Variants in KCNK2 observed in about 807,000 individuals in gnomAD.
KCNK2 encodes potassium two pore domain channel subfamily K member 2.
In KCNK2, 21 loss-of-function variants were observed where a neutral mutation model predicts 40.5. The observed-to-expected ratio is 0.52, with a 90% confidence interval of 0.37 to 0.75. The LOEUF is 0.75. Ranked by LOEUF, KCNK2 falls within the 30% of genes least tolerant of loss-of-function variation. The pLI, the probability that KCNK2 is intolerant of heterozygous loss-of-function variation, is 0.00. For missense variants in KCNK2, 399 were observed against 531.6 expected, an observed-to-expected ratio of 0.75 and a Z score of 2.45; for synonymous variants, 191 against 202.2, an observed-to-expected ratio of 0.94 and a Z score of 0.47.
chr1:215,063,332 T>C (rs1373029578), intron 1 of KCNK2, among the ~76,000 whole-genome samples: 1 of 152,198 alleles, frequency 6.6e-6, no homozygotes, highest in African/African-American at 2.4e-5. Context: ...AGCTGTAGTC[T>C]GACCACAGCA....
chr1:215,019,797 G>A (rs959531292), intron 1 of KCNK2, among the ~76,000 whole-genome samples: 4 of 152,082 alleles, frequency 2.6e-5, no homozygotes, highest in Non-Finnish European at 4.4e-5. Context: ...GTTATTCTCC[G>A]TGAAGAAACA....
rs1428368202 is a variant in KCNK2 at position 215,109,876 on chromosome 1, AAC to A, written c.358-14755_358-14754del. ...GTTCCCTTTTTGCTATATTCTTGCCAACATCTGTTATTTTTTATCTTTTTAAT... is the reference window on the plus strand; with the variant it reads ...GTTCCCTTTTTGCTATATTCTTGCCAATCTGTTATTTTTTATCTTTTTAAT... On this transcript the variant is annotated intron_variant, in intron 2 of 6. Transcript: ENST00000444842. 3.3e-5 allele frequency among the ~76,000 whole-genome samples: 5 copies of A among 152,082 alleles called. No homozygotes were observed. The East Asian group carries it at 9.6e-4, about 29-fold the overall frequency.
At chr1:215,046,207 G>T (rs972546599) in intron 1 of KCNK2, among the ~76,000 whole-genome samples, 1 of 152,092 alleles carries the variant, frequency 6.6e-6, no homozygotes. Context: ...AGATGGTTTT[G>T]ATTTGGAAAA....
chr1:215,193,256 G>C lies in KCNK2; in HGVS notation c.824-1697G>C, dbSNP rs375667965. On this transcript the variant is annotated intron_variant, in intron 5 of 6. Transcript: ENST00000444842. ...TCTTTGATATACTTGCAATTTACTGGCTGAATTTTTGTGAATTGGGCAAAT... is the reference window on the plus strand; with the variant it reads ...TCTTTGATATACTTGCAATTTACTGCCTGAATTTTTGTGAATTGGGCAAAT... Among the ~76,000 whole-genome samples, 6 of 151,970 alleles carry C rather than the reference G, an allele frequency of 3.9e-5. No individual in the cohort carries two copies. In the East Asian group the frequency reaches 1.2e-3, roughly 29 times the overall value.
At chr1:215,022,895 T>C (rs888206342) in intron 1 of KCNK2, among the ~76,000 whole-genome samples, 1 of 152,246 alleles carries the variant, frequency 6.6e-6, no homozygotes, top group African/African-American at 2.4e-5. Flanking sequence ...GTCAGTGATT[T>C]ACTCCTTCCT....
intron 1 of KCNK2, 136 bp from the exon 2 acceptor site, chr1:215,086,232 C>A: frequency 1.5e-6 from 1 of 672,576 alleles, no homozygotes; most frequent in South Asian, 1.9e-5. Flanking sequence ...TGACAGCACT[C>A]CTGGTTTGGG....
At chr1:215,110,556 T>C (rs1274673010) in intron 2 of KCNK2, among the ~76,000 whole-genome samples, 2 of 152,202 alleles carry the variant, frequency 1.3e-5, no homozygotes, top group African/African-American at 4.8e-5. Flanking sequence ...TTCTTGATTC[T>C]GTTCCATTGG....
At chr1:215,120,747 G>A (rs142224765) in intron 2 of KCNK2, among the ~76,000 whole-genome samples, 1 of 152,090 alleles carries the variant, frequency 6.6e-6, no homozygotes, top group Non-Finnish European at 1.5e-5. Flanking sequence ...TAGCCTATGA[G>A]TTCACTAGAT....
chr1:215,086,281 C>T (rs750706969), intron 1 of KCNK2, 87 bp from the exon 2 acceptor site: 2 of 1,106,694 alleles, frequency 1.8e-6, no homozygotes, highest in East Asian at 4.7e-5. Context: ...GGAATTCAAT[C>T]AACCTTCTCT....
rs1571715666 is a variant in KCNK2, at chr1:215,194,821, G to A, written c.824-132G>A. 1.0e-5 allele frequency: 6 copies of A among 594,016 alleles called. No homozygotes were observed. In the South Asian group the frequency reaches 1.1e-4, roughly 11 times the overall value. The allele number at this position is 594,016 out of a possible 1,614,324, so 36.8% of individuals were successfully genotyped here. A position where few individuals can be genotyped will look rare whatever the true frequency, so the allele number is the denominator to read the frequency against. ...AGAAATTCAAAATGAAGAAAATAAT[G>A]TAACTCCATTGATAAGAATACTAGA... is the stretch of plus-strand genomic sequence containing the variant. On this transcript the variant is annotated intron_variant, in intron 5 of 6. Transcript: ENST00000444842.
intron 1 of KCNK2, among the ~76,000 whole-genome samples, chr1:215,009,614 T>A (rs531509893): frequency 6.6e-6 from 1 of 152,090 alleles, no homozygotes; most frequent in Non-Finnish European, 1.5e-5. Flanking sequence ...TGTTTAATAG[T>A]CTTATGGCCA....
intron 6 of KCNK2, among the ~76,000 whole-genome samples, chr1:215,218,230 T>C (rs1174760810): frequency 1.3e-5 from 2 of 152,124 alleles, no homozygotes; most frequent in Non-Finnish European, 2.9e-5. Context: ...TCTATGAACA[T>C]GGGAGTGGAT....
intron 6 of KCNK2, among the ~76,000 whole-genome samples, chr1:215,226,274 G>A (rs1468190229): frequency 2.0e-5 from 3 of 152,152 alleles, no homozygotes; most frequent in African/African-American, 7.2e-5. Context: ...TTCTTCTGAA[G>A]TGAAATTGTT....
Position 215,156,053 on chromosome 1 carries a change from T to C in KCNK2, c.476-13146T>C, listed in dbSNP as rs1018309499. On this transcript the variant is annotated intron_variant, in intron 3 of 6. Transcript: ENST00000444842. ...TGTGTATATATTTGTAGATATATTATAGGTAGTCTGTGTGTGTGTGTGTGT... is the reference window on the plus strand; with the variant it reads ...TGTGTATATATTTGTAGATATATTACAGGTAGTCTGTGTGTGTGTGTGTGT... Among the ~76,000 whole-genome samples the C allele has an allele frequency of 5.8e-5, 8 of 137,902 alleles. No individual in the cohort carries two copies. The East Asian group carries it at 1.5e-3, about 26-fold the overall frequency. The allele number at this position is 137,902 out of a possible 152,430, so 90.5% of individuals were successfully genotyped here.
intron 3 of KCNK2, among the ~76,000 whole-genome samples, chr1:215,158,642 C>G (rs1663052710): frequency 1.3e-5 from 2 of 152,058 alleles, no homozygotes; most frequent in African/African-American, 4.8e-5. Flanking sequence ...GAATATGACT[C>G]TAAAGACATT....
chr1:215,014,593 T>C (rs1055032567), intron 1 of KCNK2, among the ~76,000 whole-genome samples: 3 of 151,946 alleles, frequency 2.0e-5, no homozygotes, highest in Admixed American at 6.6e-5. Flanking sequence ...AAACACATAA[T>C]TGATCAAGTT....
intron 6 of KCNK2, among the ~76,000 whole-genome samples, chr1:215,195,884 A>C (rs2102666359): frequency 6.6e-6 from 1 of 152,264 alleles, no homozygotes; most frequent in Non-Finnish European, 1.5e-5. Context: ...AGAGAACAAC[A>C]AATCTGTAAA....
chr1:215,131,006 G>A (rs1304067848), intron 3 of KCNK2, among the ~76,000 whole-genome samples: 1 of 150,620 alleles, frequency 6.6e-6, no homozygotes, highest in Non-Finnish European at 1.5e-5. Context: ...GACTACAGGC[G>A]CCCGCCACTG....
chr1:215,166,658 A>T, intron 3 of KCNK2, among the ~76,000 whole-genome samples: 1 of 152,128 alleles, frequency 6.6e-6, no homozygotes, highest in East Asian at 1.9e-4. Flanking sequence ...TCCAGACTCC[A>T]GTCTCCCCTC....
Sources: gnomAD v4.1 joint callset for allele counts (sites outside exome capture counted in the v4.1 genomes callset) on GRCh38, gnomAD v4.1.1 for gene constraint, MANE v1.5 for transcripts, NCBI Gene and HGNC (gene_info 2026-07-23, HGNC 2026-07-21) for gene names.